The following OSBPL10 variants were observed in gnomAD, a reference collection of about 807,000 sequenced individuals.
The protein encoded by OSBPL10 is oxysterol-binding protein-related protein 10.
Under a neutral mutation model 81.7 loss-of-function variants are expected in OSBPL10, and 49 were observed. The ratio of observed to expected loss-of-function variants is 0.60; its 90% CI spans 0.48 to 0.76. The LOEUF is 0.76. OSBPL10 is among the 30% of genes least tolerant of loss of function. OSBPL10 has a pLI of 0.00. For synonymous variants in OSBPL10, 419 were observed against 383.6 expected (o/e 1.09, Z -1.08); for missense variants, 923 against 987.8 (o/e 0.93, Z 0.88).
At chr3:31,974,169 C>T (rs997018386) in intron 1 of OSBPL10, among the ~76,000 whole-genome samples, 1 of 151,998 alleles carries the variant, frequency 6.6e-6, no homozygotes, top group East Asian at 1.9e-4. Context: ...TCCCAATGGC[C>T]GATTAATACG....
chr3:31,706,660 T>A (rs1382389354), intron 6 of OSBPL10, among the ~76,000 whole-genome samples: 1 of 152,218 alleles, frequency 6.6e-6, no homozygotes, highest in Non-Finnish European at 1.5e-5. Context: ...AACATCAATG[T>A]GGGAGAAACA....
intron 4 of OSBPL10, among the ~76,000 whole-genome samples, chr3:31,749,076 G>A (rs1457690628): frequency 1.3e-5 from 2 of 152,166 alleles, no homozygotes; most frequent in African/African-American, 2.4e-5. Flanking sequence ...GTAAATTCCT[G>A]TTCTCTGGTC....
In OSBPL10 at chr3:31,661,907, G is replaced by C. The variant is rs1461407667; in HGVS notation, c.*165C>G. On this transcript the variant is annotated 3_prime_UTR_variant, in exon 12 of 12. Transcript: ENST00000396556. The stretch of plus-strand genomic sequence containing the variant: ...CTTGAATAAATTCATTCCTCTAGCA[G>C]AGTGTGGGGGTGCACTTTTCATAGT... The C allele has an allele frequency of 2.0e-6, 2 of 995,176 alleles. No individual in the cohort carries two copies. Among genetic ancestry groups the C allele is most frequent in the East Asian group, 5.1e-5 (2 of 38,920 alleles). 61.6% of individuals were successfully genotyped at this position (995,176 alleles called of 1,614,324 possible).
At chr3:31,732,541 G>A (rs1053285464) in intron 6 of OSBPL10, 5 of 152,302 alleles carry the variant, frequency 3.3e-5, no homozygotes, top group Non-Finnish European at 1.5e-5. Flanking sequence ...TATATCATGT[G>A]CATCAAAAGA....
At chr3:32,036,812 G>A (rs1699523720) in intron 2 of OSBPL10, among the ~76,000 whole-genome samples, 1 of 135,386 alleles carries the variant, frequency 7.4e-6, no homozygotes, top group Non-Finnish European at 1.6e-5. Context: ...AACAGAGTGA[G>A]ACTCGTGTCT....
intron 1 of OSBPL10, among the ~76,000 whole-genome samples, chr3:32,056,337 C>T (rs1446358687): frequency 1.3e-5 from 2 of 152,214 alleles, no homozygotes; most frequent in Non-Finnish European, 2.9e-5. Context: ...ATTCTGGGTA[C>T]ATGTTGGAAT....
At chr3:31,716,861 C>A (rs1192870534) in intron 6 of OSBPL10, 1 of 152,186 alleles carries the variant, frequency 6.6e-6, no homozygotes, top group African/African-American at 2.4e-5. Flanking sequence ...AGTGGCCACA[C>A]CAGGCAGTCA....
chr3:32,073,270 C>A (rs888493034), intron 1 of OSBPL10, among the ~76,000 whole-genome samples: 1 of 152,188 alleles, frequency 6.6e-6, no homozygotes, highest in Non-Finnish European at 1.5e-5. Context: ...CACCAGGCTG[C>A]TAATCTTCTC....
intron 1 of OSBPL10, among the ~76,000 whole-genome samples, chr3:31,895,599 C>G (rs576946712): frequency 6.6e-6 from 1 of 152,274 alleles, no homozygotes; most frequent in African/African-American, 2.4e-5. Context: ...CTTTATGTAA[C>G]TCCATTACTC....
chr3:31,742,849 G>A (rs901012682), intron 5 of OSBPL10, among the ~76,000 whole-genome samples: 1 of 151,958 alleles, frequency 6.6e-6, no homozygotes, highest in Admixed American at 6.6e-5. Flanking sequence ...AGTTTTGAGC[G>A]TGGTTCTGCC....
intron 1 of OSBPL10, among the ~76,000 whole-genome samples, chr3:31,959,077 G>T (rs961167333): frequency 6.6e-6 from 1 of 152,080 alleles, no homozygotes; most frequent in Non-Finnish European, 1.5e-5. Flanking sequence ...GAGTGGAGAC[G>T]CACGCAATGG....
intron 6 of OSBPL10, among the ~76,000 whole-genome samples, chr3:31,727,656 C>T (rs1201936305): frequency 6.6e-6 from 1 of 152,140 alleles, no homozygotes; most frequent in Non-Finnish European, 1.5e-5. Flanking sequence ...CTGTTGACCA[C>T]AAATAAATAT....
chr3:31,775,089 T>C (rs148621194), intron 4 of OSBPL10, among the ~76,000 whole-genome samples: 61 of 152,048 alleles, frequency 4.0e-4, no homozygotes, highest in African/African-American at 1.4e-3. Flanking sequence ...GGAGAATCGT[T>C]TGAACTCAAG....
chr3:31,730,915 A>G (rs1199206470), intron 6 of OSBPL10, among the ~76,000 whole-genome samples: 2 of 152,222 alleles, frequency 1.3e-5, no homozygotes, highest in Non-Finnish European at 2.9e-5. Flanking sequence ...TAGTTTCCCA[A>G]TGATCACTCA....
intron 1 of OSBPL10, among the ~76,000 whole-genome samples, chr3:32,059,059 G>A (rs1699735279): frequency 6.6e-6 from 1 of 152,190 alleles, no homozygotes; most frequent in Admixed American, 6.5e-5. Context: ...AGCACTTTGG[G>A]AGGCTGAGGC....
intron 1 of OSBPL10, among the ~76,000 whole-genome samples, chr3:31,922,533 G>A (rs1025202867): frequency 1.3e-5 from 2 of 152,090 alleles, no homozygotes; most frequent in African/African-American, 2.4e-5. Context: ...CAAGAGAATC[G>A]CTTGAACCCG....
chr3:31,764,889 C>A (rs1698150314), intron 4 of OSBPL10, among the ~76,000 whole-genome samples: 1 of 152,212 alleles, frequency 6.6e-6, no homozygotes, highest in Non-Finnish European at 1.5e-5. Flanking sequence ...TTCTCCTAGT[C>A]AATTTTTATT....
intron 1 of OSBPL10, among the ~76,000 whole-genome samples, chr3:31,917,595 G>A (rs979234487): frequency 6.6e-6 from 1 of 150,704 alleles, no homozygotes; most frequent in African/African-American, 2.5e-5. Context: ...GGTTCTGGAG[G>A]CTGCCTGATT....
chr3:31,842,706 A>AT (rs1188775323), intron 3 of OSBPL10, among the ~76,000 whole-genome samples: 4 of 152,096 alleles, frequency 2.6e-5, no homozygotes, highest in Non-Finnish European at 5.9e-5. Context: ...CAAATTATTC[A>AT]TTTTTTAAGA....
Sources: gnomAD v4.1 joint callset for allele counts (sites outside exome capture counted in the v4.1 genomes callset) on GRCh38, gnomAD v4.1.1 for gene constraint, MANE v1.5 for transcripts, NCBI Gene and HGNC (gene_info 2026-07-23, HGNC 2026-07-21) for gene names.